The following CPED1 variants were observed in gnomAD, a reference collection of about 807,000 sequenced individuals.
CPED1 encodes the protein cadherin like and PC-esterase domain containing 1, also known as cadherin-like and PC-esterase domain-containing protein 1.
Under a neutral mutation model 128.2 loss-of-function variants are expected in CPED1, and 114 were observed. That is an observed-to-expected ratio of 0.89 (90% confidence interval 0.76 to 1.04). The LOEUF is 1.04. Ranked by LOEUF, CPED1 falls within the 50% of genes least tolerant of loss-of-function variation. The pLI, the probability that CPED1 is intolerant of heterozygous loss-of-function variation, is 0.00. For missense variants in CPED1, 1,211 were observed against 1,207.1 expected, an observed-to-expected ratio of 1.00 and a Z score of -0.05; for synonymous variants, 462 against 426.7, an observed-to-expected ratio of 1.08 and a Z score of -1.02.
At chr7:121,280,047 TC>T (rs1792424271) in intron 22 of CPED1, among the ~76,000 whole-genome samples, 1 of 152,100 alleles carries the variant, frequency 6.6e-6, no homozygotes, top group Non-Finnish European at 1.5e-5. Flanking sequence ...GAAATGTTAG[TC>T]CCCACACAAA....
chr7:121,208,626 A>G (rs1235558068), intron 16 of CPED1, among the ~76,000 whole-genome samples: 2 of 152,028 alleles, frequency 1.3e-5, no homozygotes, highest in African/African-American at 2.4e-5. Flanking sequence ...GTCTGACTCA[A>G]TAGCTCCACA....
chr7:121,044,664 T>TTTTTTTTTTTTTTTTTTTTTC (rs1253162000), intron 3 of CPED1, among the ~76,000 whole-genome samples: 1 of 141,016 alleles, frequency 7.1e-6, no homozygotes, highest in African/African-American at 2.7e-5. Flanking sequence ...TTTTTTTTTT[T>TTTTTTTTTTTTTTTTTTTTTC]TTTTTGCTAT....
intron 7 of CPED1, among the ~76,000 whole-genome samples, chr7:121,113,287 G>T (rs935810451): frequency 6.6e-6 from 1 of 152,068 alleles, no homozygotes; most frequent in Non-Finnish European, 1.5e-5. Flanking sequence ...GAGAAATACT[G>T]GTTCTTGCTC....
At chr7:121,179,923 TGAAAC>T (rs916105030) in intron 16 of CPED1, among the ~76,000 whole-genome samples, 34 of 152,196 alleles carry the variant, frequency 2.2e-4, no homozygotes, top group African/African-American at 8.2e-4. Context: ...GGGAAAAAAA[TGAAAC>T]TAACAATGAT....
chr7:121,293,506 G>A (rs1375107503), intron 22 of CPED1, among the ~76,000 whole-genome samples: 1 of 152,116 alleles, frequency 6.6e-6, no homozygotes, highest in Non-Finnish European at 1.5e-5. Flanking sequence ...GTTTCCAAGG[G>A]AGTGAACAGT....
chr7:120,994,273 T>TA (rs896178208), intron 2 of CPED1, among the ~76,000 whole-genome samples: 25 of 151,562 alleles, frequency 1.6e-4, no homozygotes, highest in Admixed American at 3.9e-4. Flanking sequence ...TCTCTTTAAC[T>TA]AAAAAAAAAT....
chr7:121,024,255 C>G (rs371771834), intron 3 of CPED1, among the ~76,000 whole-genome samples: 5 of 152,090 alleles, frequency 3.3e-5, no homozygotes, highest in South Asian at 2.1e-4. Flanking sequence ...GTTCAATTTA[C>G]TTTAATTTTT....
chr7:121,074,290 A>G lies in CPED1; in HGVS notation c.616+9977A>G, dbSNP rs560102249. ...CAGGAACAAAGCATTGATGGAACCA[A>G]TCCAGAAAAGGGGCTCTTGTCCAGG... On this transcript the variant is annotated intron_variant, in intron 5 of 22. Coordinates refer to ENST00000310396, the MANE Select transcript of CPED1 (RefSeq NM_024913.5). Among the ~76,000 whole-genome samples, 3 of 152,218 alleles carry G rather than the reference A, an allele frequency of 2.0e-5. No individual in the cohort carries two copies. The South Asian group carries it at 6.2e-4, about 32-fold the overall frequency.
At position 121,100,107 on chromosome 7, in the gene CPED1, T is replaced by G; in HGVS notation, c.918+13T>G. The G allele has an allele frequency of 1.2e-6, 2 of 1,612,138 alleles. No individual in the cohort carries two copies. The highest frequency in any genetic ancestry group is 1.7e-6 in the Non-Finnish European group (2 of 1,178,870). On this transcript the variant is annotated intron_variant, in intron 7 of 22. Transcript: ENST00000310396. The stretch of plus-strand genomic sequence containing the variant: ...CTTCACTGTCAAGGTAAGCTCTCGG[T>G]TGAAGCTATTATTTCACGTAAGTAC...
rs143081056 is a variant in CPED1, at chr7:121,011,061, C to T, written c.250-4604C>T. ...TAGACTCTATAATATTTCTAAAATGCCAAAATCTGGACCAGGAAGGCAATT... is the reference window on the plus strand; with the variant it reads ...TAGACTCTATAATATTTCTAAAATGTCAAAATCTGGACCAGGAAGGCAATT... On this transcript the variant is annotated intron_variant, in intron 2 of 22. Coordinates refer to ENST00000310396, the MANE Select transcript of CPED1 (RefSeq NM_024913.5). Among the ~76,000 whole-genome samples the T allele has an allele frequency of 6.2e-3, 945 of 152,020 alleles. 13 individuals are homozygous for T. The highest frequency in any genetic ancestry group is 0.018 in the Admixed American group (278 of 15,258).
At chr7:121,087,874 C>T (rs1794473636) in intron 5 of CPED1, among the ~76,000 whole-genome samples, 2 of 151,934 alleles carry the variant, frequency 1.3e-5, no homozygotes, top group South Asian at 4.1e-4. Context: ...CTTGGCCAGG[C>T]TGATCTTGAA....
chr7:121,140,754 C>A, intron 14 of CPED1, 73 bp from the exon 15 acceptor site: 1 of 1,077,386 alleles, frequency 9.3e-7, no homozygotes, highest in Non-Finnish European at 1.3e-6. Context: ...AAAGAAAAAC[C>A]TAATCATATA....
intron 22 of CPED1, among the ~76,000 whole-genome samples, chr7:121,281,264 C>A (rs575650870): frequency 6.6e-6 from 1 of 152,108 alleles, no homozygotes; most frequent in Non-Finnish European, 1.5e-5. Context: ...TTAGAATCAG[C>A]AGTTAATTGA....
chr7:121,251,636 A>G (rs1798675150), intron 18 of CPED1, among the ~76,000 whole-genome samples: 2 of 152,260 alleles, frequency 1.3e-5, no homozygotes, highest in African/African-American at 4.8e-5. Flanking sequence ...TACAAAATCA[A>G]TGTGCAAAAA....
In CPED1 at chr7:121,140,827, A is replaced by G. The variant is rs184279789; in HGVS notation, c.1700A>G (p.Asp567Gly). Reference sequence around the variant, plus strand: ...GTCATTGTTTTTGTTTTTTTAACAGATGAAAACACACCATGTCATATCAAG... The same window carrying G: ...GTCATTGTTTTTGTTTTTTTAACAGGTGAAAACACACCATGTCATATCAAG... The part of the protein sequence containing the change: ...NENKEIHCSD[D>G]ENTPCHIKQI... Residue 567 changes from aspartate (D) to glycine (G), a missense_variant and splice_region_variant, in exon 15 of 23, where the codon GAT becomes GGT. Coordinates refer to ENST00000310396, the MANE Select transcript of CPED1 (RefSeq NM_024913.5). 321 of 1,607,256 alleles carry G rather than the reference A, an allele frequency of 2.0e-4. 2 individuals are homozygous for G. Among genetic ancestry groups the G allele is most frequent in the Non-Finnish European group, 1.6e-5 (19 of 1,177,074 alleles).
intron 2 of CPED1, among the ~76,000 whole-genome samples, chr7:120,998,470 T>G (rs1796447579): frequency 6.6e-6 from 1 of 152,134 alleles, no homozygotes; most frequent in Non-Finnish European, 1.5e-5. Context: ...GCACTTAAAG[T>G]GTCTGGCAGA....
intron 7 of CPED1, among the ~76,000 whole-genome samples, chr7:121,105,688 C>A (rs1794958576): frequency 6.6e-6 from 1 of 152,026 alleles, no homozygotes; most frequent in Non-Finnish European, 1.5e-5. Flanking sequence ...AAACTTGTGA[C>A]CAAAGCTGAC....
Position 120,995,197 on chromosome 7 carries a change from ATTCCTTATCCT to A in CPED1, c.249+5330_249+5340del, listed in dbSNP as rs1490109463. Among the ~76,000 whole-genome samples the A allele has an allele frequency of 1.8e-3, 277 of 152,100 alleles. 2 individuals carry two copies. Among genetic ancestry groups the A allele is most frequent in the African/African-American group, 6.1e-3 (252 of 41,484 alleles). The stretch of plus-strand genomic sequence containing the variant: ...ATGTACTTCCTTGTTACCTCTCCCG[ATTCCTTATCCT>A]TTGCATTTGGTCATTTCTATTGAAA... On this transcript the variant is annotated intron_variant, in intron 2 of 22. Transcript: ENST00000310396.
chr7:121,064,319 C>T lies in CPED1; in HGVS notation c.616+6C>T. ...AATAGTTAGAAGATTCCCAGGTAAT[C>T]TTTCGTTTGCTTCCTTAGGCTTAAA... On this transcript the variant is annotated splice_donor_region_variant and intron_variant, in intron 5 of 22. Coordinates refer to ENST00000310396, the MANE Select transcript of CPED1 (RefSeq NM_024913.5). 1 of 1,600,454 alleles carries T rather than the reference C, an allele frequency of 6.2e-7. No individual in the cohort carries two copies.
Sources: gnomAD v4.1 joint callset for allele counts (sites outside exome capture counted in the v4.1 genomes callset) on GRCh38, gnomAD v4.1.1 for gene constraint, MANE v1.5 for transcripts, NCBI Gene and HGNC (gene_info 2026-07-23, HGNC 2026-07-21) for gene names.